MID1: variants seen among roughly 807,000 people sequenced by gnomAD.
MID1 encodes E3 ubiquitin-protein ligase Midline-1.
MID1 carries 7 observed loss-of-function variants against 40.4 expected under a neutral mutation model. The ratio of observed to expected loss-of-function variants is 0.17; its 90% CI spans 0.10 to 0.33. The LOEUF (loss-of-function observed/expected upper bound fraction) is 0.33, where lower values mean the gene tolerates loss of function less well. Among genes scored for constraint, MID1 ranks in the 10% least tolerant of loss-of-function variants. The pLI, the probability that MID1 is intolerant of heterozygous loss-of-function variation, is 1.00. For synonymous variants in MID1, 229 were observed against 221.2 expected (o/e 1.04, Z -0.31); for missense variants, 367 against 558.5 (o/e 0.66, Z 3.46).
intron 1 of MID1, among the ~76,000 whole-genome samples, chrX:10,722,794 C>G (rs946808256): frequency 8.9e-6 from 1 of 111,851 alleles, no homozygotes; most frequent in Non-Finnish European, 1.9e-5. Flanking sequence ...TTGGGAGCCC[C>G]GGTCGGAACT....
chrX:10,694,138 G>A (rs981062597), intron 1 of MID1, among the ~76,000 whole-genome samples: 5 of 112,165 alleles, frequency 4.5e-5, no homozygotes, highest in Non-Finnish European at 7.5e-5. Flanking sequence ...CTACTCCCAG[G>A]AGAGAGACAA....
At chrX:10,587,855 A>G (rs1032311460) in intron 1 of MID1, among the ~76,000 whole-genome samples, 2 of 110,997 alleles carry the variant, frequency 1.8e-5, no homozygotes, top group African/African-American at 6.6e-5. Flanking sequence ...TATACTAGAT[A>G]AGCCAAATTT....
chrX:10,626,311 C>CTATTAT (rs772195870), intron 1 of MID1, among the ~76,000 whole-genome samples: 1,572 of 101,817 alleles, frequency 0.015, 18 homozygotes, highest in South Asian at 0.066. Flanking sequence ...TCATATGAAA[C>CTATTAT]TATTATTATT....
chrX:10,801,479 G>A (rs1479508036), intron 1 of MID1, among the ~76,000 whole-genome samples: 1 of 111,981 alleles, frequency 8.9e-6, no homozygotes, highest in East Asian at 2.8e-4. Flanking sequence ...GTAGCCCTGA[G>A]TTTGGGAATT....
chrX:10,500,222 A>T, intron 3 of MID1, among the ~76,000 whole-genome samples: 1 of 112,219 alleles, frequency 8.9e-6, no homozygotes, highest in Non-Finnish European at 1.9e-5. Context: ...TTTGATTTAC[A>T]GAATGGATAT....
chrX:10,515,867 C>T (rs1488248275), intron 3 of MID1, among the ~76,000 whole-genome samples: 2 of 112,231 alleles, frequency 1.8e-5, no homozygotes, highest in Non-Finnish European at 3.8e-5. Flanking sequence ...TGGTACATAT[C>T]AGTGATTCCA....
chrX:10,687,083 AT>A (rs1370365236), intron 1 of MID1, among the ~76,000 whole-genome samples: 1 of 111,332 alleles, frequency 9.0e-6, no homozygotes, highest in Non-Finnish European at 1.9e-5. Flanking sequence ...TGTTACCTTT[AT>A]TTTGACTAAC....
At chrX:10,624,621 AT>A (rs1412361028), upstream of MID1, among the ~76,000 whole-genome samples, 1 of 111,068 alleles carries the variant, frequency 9.0e-6, no homozygotes, top group East Asian at 2.8e-4. Context: ...CTTTTTTAAA[AT>A]TTTTTTGAAA....
At chrX:10,781,664 A>G (rs779911052) in intron 1 of MID1, among the ~76,000 whole-genome samples, 2 of 112,022 alleles carry the variant, frequency 1.8e-5, no homozygotes, top group African/African-American at 3.2e-5. Context: ...CTACACCTCT[A>G]CATGTAAAGA....
upstream of MID1, among the ~76,000 whole-genome samples, chrX:10,624,324 C>G (rs1935973160): frequency 8.9e-6 from 1 of 111,744 alleles, no homozygotes; most frequent in African/African-American, 3.3e-5. Context: ...GTTGGATGAC[C>G]AACACTGGAA....
rs1026397376 is a variant in MID1 at position 10,768,342 on chromosome X, T to C, written c.-187+65212A>G. 3.3e-4 allele frequency among the ~76,000 whole-genome samples: 37 copies of C among 111,839 alleles called. 1 individual carries two copies. Among genetic ancestry groups the C allele is most frequent in the Non-Finnish European group, 7.5e-5 (4 of 53,229 alleles). ...AACAAGAAAATAAGAATGCCAGTCTTAGACATTTAAAAAATTATGAATAAC... is the reference window on the plus strand; with the variant it reads ...AACAAGAAAATAAGAATGCCAGTCTCAGACATTTAAAAAATTATGAATAAC... On this transcript the variant is annotated intron_variant, in intron 1 of 10. Coordinates refer to the MID1 transcript ENST00000380785.
chrX:10,728,858 G>A (rs1040019883), intron 1 of MID1, among the ~76,000 whole-genome samples: 1 of 111,929 alleles, frequency 8.9e-6, no homozygotes, highest in Non-Finnish European at 1.9e-5. Flanking sequence ...TTTATGCATT[G>A]CGAGTATAAA....
At chrX:10,795,731 T>C (rs949166734) in intron 1 of MID1, among the ~76,000 whole-genome samples, 7 of 112,480 alleles carry the variant, frequency 6.2e-5, no homozygotes, top group African/African-American at 2.3e-4. Context: ...CTAAAATAAC[T>C]AACTTTAATG....
rs181036341 is a variant in MID1, at chrX:10,788,361, T to C, written c.-187+45193A>G. On this transcript the variant is annotated intron_variant, in intron 1 of 10. Transcript: ENST00000380785. Reference sequence around the variant, plus strand: ...TCCTTGAATCCTAATCCCATGTTCATGGTTGTGTCACCTTTAAGATCTATT... The same window carrying C: ...TCCTTGAATCCTAATCCCATGTTCACGGTTGTGTCACCTTTAAGATCTATT... Among the ~76,000 whole-genome samples, 41 of 111,844 alleles carry C rather than the reference T, an allele frequency of 3.7e-4. No individual in the cohort carries two copies. In the East Asian group the frequency reaches 0.011, roughly 29 times the overall value.
intron 1 of MID1, among the ~76,000 whole-genome samples, chrX:10,726,286 T>A (rs773123457): frequency 8.9e-6 from 1 of 112,270 alleles, no homozygotes; most frequent in Non-Finnish European, 1.9e-5. Flanking sequence ...TAACAACAAT[T>A]TCTTTTATTA....
intron 1 of MID1, among the ~76,000 whole-genome samples, chrX:10,720,823 A>T (rs1177264995): frequency 1.8e-5 from 2 of 110,368 alleles, no homozygotes; most frequent in African/African-American, 3.3e-5. Context: ...GATAGACTGG[A>T]TTAAGAAAAT....
chrX:10,700,009 A>G (rs1194625986), intron 1 of MID1, among the ~76,000 whole-genome samples: 1 of 109,454 alleles, frequency 9.1e-6, no homozygotes, highest in Non-Finnish European at 1.9e-5. Context: ...TTTAGTAGAG[A>G]TGGGGTTTCT....
chrX:10,570,211 T>G (rs1297030594), intron 1 of MID1, among the ~76,000 whole-genome samples: 1 of 111,402 alleles, frequency 9.0e-6, no homozygotes, highest in Non-Finnish European at 1.9e-5. Context: ...TCCTCAAACA[T>G]GCCAAGCACA....
At chrX:10,467,113 A>G (rs1929427835) in intron 7 of MID1, among the ~76,000 whole-genome samples, 1 of 111,667 alleles carries the variant, frequency 9.0e-6, no homozygotes, top group Admixed American at 9.6e-5. Context: ...TAAATAAATT[A>G]GAGCATATCT....
Sources: gnomAD v4.1 joint callset for allele counts (sites outside exome capture counted in the v4.1 genomes callset) on GRCh38, gnomAD v4.1.1 for gene constraint, MANE v1.5 for transcripts, NCBI Gene and HGNC (gene_info 2026-07-23, HGNC 2026-07-21) for gene names.